MED15: variants seen among roughly 807,000 people sequenced by gnomAD.
The protein encoded by MED15 is mediator of RNA polymerase II transcription subunit 15.
Under a neutral mutation model 118.7 loss-of-function variants are expected in MED15, and 41 were observed. The ratio of observed to expected loss-of-function variants is 0.35; its 90% CI spans 0.27 to 0.45. MED15 has a LOEUF of 0.45. Among genes scored for constraint, MED15 ranks in the 20% least tolerant of loss-of-function variants. The pLI, the probability that MED15 is intolerant of heterozygous loss-of-function variation, is 1.00. For missense variants in MED15, 740 were observed against 1,025.5 expected, an observed-to-expected ratio of 0.72 and a Z score of 3.80; for synonymous variants, 436 against 413.9, an observed-to-expected ratio of 1.05 and a Z score of -0.65.
intron 4 of MED15, 83 bp downstream of exon 4, chr22:20,553,257 G>T: frequency 7.1e-7 from 1 of 1,402,414 alleles, no homozygotes; most frequent in Non-Finnish European, 1.0e-6. Context: ...TGCCTCATGT[G>T]CCTGGGTTAA....
intron 2 of MED15, among the ~76,000 whole-genome samples, chr22:20,538,249 A>G (rs1385930215): frequency 6.6e-6 from 1 of 151,636 alleles, no homozygotes; most frequent in African/African-American, 2.4e-5. Context: ...GCCTGGCCTA[A>G]TTTTAGAACT....
chr22:20,546,815 C>A (rs2055561847), intron 2 of MED15, among the ~76,000 whole-genome samples: 1 of 152,108 alleles, frequency 6.6e-6, no homozygotes, highest in Admixed American at 6.5e-5. Flanking sequence ...TCTTAGTCTG[C>A]TGGCATTTAG....
rs564145155 is a variant in MED15, at chr22:20,551,201, CGTTGGAGG to C, written c.157-234_157-227del. 419 of 667,132 alleles carry C rather than the reference CGTTGGAGG, an allele frequency of 6.3e-4. 2 individuals carry two copies. The highest frequency in any genetic ancestry group is 2.0e-3 in the Admixed American group (96 of 48,272). The allele number at this position is 667,132 out of a possible 1,614,324, so 41.3% of individuals were successfully genotyped here. A position where few individuals can be genotyped will look rare whatever the true frequency, so the allele number is the denominator to read the frequency against. ...CTTTCCATCAGGGGAGAGGAGTGGC[CGTTGGAGG>C]CTCTCTGTCCCCTTCTTGTTTCTTT... On this transcript the variant is annotated intron_variant, in intron 2 of 17. Coordinates refer to ENST00000263205, the MANE Select transcript of MED15 (RefSeq NM_001003891.3).
rs115630438 is a variant in MED15, at chr22:20,555,790, C to T, written c.451+642C>T. On this transcript the variant is annotated intron_variant, in intron 5 of 17. Coordinates refer to ENST00000263205, the MANE Select transcript of MED15 (RefSeq NM_001003891.3). ...ACATTGGAGTGCAGTGGCACAATCACGGCTCACTGCAGCCTGGACATCCTG... is the reference window on the plus strand; with the variant it reads ...ACATTGGAGTGCAGTGGCACAATCATGGCTCACTGCAGCCTGGACATCCTG... 9.2e-3 allele frequency among the ~76,000 whole-genome samples: 1,395 copies of T among 152,334 alleles called. 23 individuals are homozygous for T. Among genetic ancestry groups the T allele is most frequent in the African/African-American group, 0.032 (1,337 of 41,564 alleles).
intron 2 of MED15, among the ~76,000 whole-genome samples, chr22:20,544,891 A>G (rs2055465905): frequency 6.6e-6 from 1 of 152,120 alleles, no homozygotes; most frequent in Non-Finnish European, 1.5e-5. Context: ...TCTGTATTCC[A>G]TCTTCACGTC....
chr22:20,558,548 A>G (rs1329147480), intron 5 of MED15, among the ~76,000 whole-genome samples: 1 of 152,176 alleles, frequency 6.6e-6, no homozygotes, highest in Non-Finnish European at 1.5e-5. Context: ...CTTTAAAAAT[A>G]ATTTCTACTG....
chr22:20,562,052 G>A (rs2056263510), intron 5 of MED15, among the ~76,000 whole-genome samples: 2 of 152,112 alleles, frequency 1.3e-5, no homozygotes, highest in Non-Finnish European at 2.9e-5. Context: ...ATCTACTTGT[G>A]AGGCTGAGGT....
chr22:20,542,780 C>T lies in MED15; in HGVS notation c.156+5576C>T, dbSNP rs57749063. 6.1e-3 allele frequency among the ~76,000 whole-genome samples: 935 copies of T among 152,278 alleles called. 10 individuals are homozygous for T. Among genetic ancestry groups the T allele is most frequent in the African/African-American group, 0.021 (889 of 41,544 alleles). ...TCTGCTGGTAGAACATTCTCAAAAT[C>T]CTTGTGGAACTTCTACATATATGAT... On this transcript the variant is annotated intron_variant, in intron 2 of 17. Transcript: ENST00000263205.
Position 20,560,558 on chromosome 22 carries a change from T to C in MED15, c.452-3892T>C, listed in dbSNP as rs531417147. 1.9e-4 allele frequency among the ~76,000 whole-genome samples: 29 copies of C among 152,226 alleles called. 1 individual carries two copies. The South Asian group carries it at 4.4e-3, about 23-fold the overall frequency. On this transcript the variant is annotated intron_variant, in intron 5 of 17. Transcript: ENST00000263205. ...GATTACAGGCATGAGCCTCCGCGCC[T>C]GGCCTATTATTATTATTTATAGAGC...
intron 1 of MED15, among the ~76,000 whole-genome samples, chr22:20,513,096 G>T (rs779863613): frequency 2.6e-5 from 4 of 151,836 alleles, no homozygotes; most frequent in South Asian, 2.1e-4. Context: ...TTAAGAGACA[G>T]GGTCTTGCTT....
intron 15 of MED15, 28 bp downstream of exon 15, chr22:20,585,043 G>A: frequency 6.2e-7 from 1 of 1,613,750 alleles, no homozygotes; most frequent in Non-Finnish European, 8.5e-7. Context: ...GGGCTTTGCG[G>A]AGGGCGGCCA....
Position 20,515,453 on chromosome 22 carries a change from G to A in MED15, c.68+7707G>A, listed in dbSNP as rs187581781. Among the ~76,000 whole-genome samples the A allele has an allele frequency of 7.2e-3, 648 of 89,660 alleles. 7 individuals are homozygous for A. Among genetic ancestry groups the A allele is most frequent in the African/African-American group, 0.027 (618 of 22,880 alleles). 58.8% of individuals were successfully genotyped at this position (89,660 alleles called of 152,430 possible). A position where few individuals can be genotyped will look rare whatever the true frequency, so the allele number is the denominator to read the frequency against. ...ATAAGATACACTAACACTAATGATA[G>A]CTGACGAGCTAAAAAAAAAAAATTG... On this transcript the variant is annotated intron_variant, in intron 1 of 17. Coordinates refer to ENST00000263205, the MANE Select transcript of MED15 (RefSeq NM_001003891.3).
chr22:20,519,929 T>C (rs1482586235), intron 1 of MED15, among the ~76,000 whole-genome samples: 5 of 152,222 alleles, frequency 3.3e-5, no homozygotes, highest in Admixed American at 3.3e-4. Context: ...GTTTCTGTCT[T>C]TTTAATTTTA....
Position 20,587,000 on chromosome 22 carries a change from C to T in MED15, c.*296C>T, listed in dbSNP as rs186187578. On this transcript the variant is annotated 3_prime_UTR_variant, in exon 18 of 18. Transcript: ENST00000263205. The stretch of plus-strand genomic sequence containing the variant: ...GGCTGCTCTCACCGTGGCCTGTCCA[C>T]GGTCCAGGTCCATCTCAGCAGCGTG... The T allele has an allele frequency of 1.3e-4, 62 of 477,978 alleles. No homozygotes were observed. The highest frequency in any genetic ancestry group is 1.2e-3 in the Admixed American group (37 of 30,598). The allele number at this position is 477,978 out of a possible 1,614,324, so 29.6% of individuals were successfully genotyped here. A position where few individuals can be genotyped will look rare whatever the true frequency, so the allele number is the denominator to read the frequency against.
intron 1 of MED15, among the ~76,000 whole-genome samples, chr22:20,511,961 G>A (rs1277852681): frequency 7.3e-6 from 1 of 137,604 alleles, no homozygotes; most frequent in Non-Finnish European, 1.5e-5. Context: ...GACCTCTCTG[G>A]TCTTTCAGCT....
chr22:20,526,158 GC>G (rs1601477339), intron 1 of MED15, among the ~76,000 whole-genome samples: 1 of 151,988 alleles, frequency 6.6e-6, no homozygotes, highest in East Asian at 1.9e-4. Flanking sequence ...GAATTCCTGG[GC>G]TCAAGCATGA....
chr22:20,535,861 CTTCT>C (rs1197058999), intron 1 of MED15, among the ~76,000 whole-genome samples: 1 of 131,706 alleles, frequency 7.6e-6, no homozygotes, highest in African/African-American at 2.9e-5. Context: ...GCTCAGCCTG[CTTCT>C]TTCTTTCTTT....
In MED15 at chr22:20,551,634, G is replaced by A. The variant is rs1279244944; in HGVS notation, c.208+147G>A. The A allele has an allele frequency of 2.5e-5, 19 of 765,408 alleles. No homozygotes were observed. The East Asian group carries it at 3.9e-4, about 16-fold the overall frequency. 47.4% of individuals were successfully genotyped at this position (765,408 alleles called of 1,614,324 possible). On this transcript the variant is annotated intron_variant, in intron 3 of 17. Transcript: ENST00000263205. ...ACTTGCTTCTGGGAAGTTCTTCACT[G>A]CCTTGCATTTGACTCCAGATCCCTC... is the stretch of plus-strand genomic sequence containing the variant.
At chr22:20,521,775 G>T (rs1485298397) in intron 1 of MED15, among the ~76,000 whole-genome samples, 2 of 150,396 alleles carry the variant, frequency 1.3e-5, no homozygotes, top group African/African-American at 2.4e-5. Context: ...GCCTAGGCTG[G>T]AGTGTGGTGG....
Sources: allele counts gnomAD v4.1 joint callset (sites outside exome capture counted in the v4.1 genomes callset), GRCh38; gene constraint gnomAD v4.1.1; transcripts MANE v1.5; gene names NCBI Gene and HGNC (gene_info 2026-07-23, HGNC 2026-07-21).